Variants in SAMD4A observed in about 807,000 individuals in gnomAD.
The protein encoded by SAMD4A is protein Smaug homolog 1.
Under a neutral mutation model 81.3 loss-of-function variants are expected in SAMD4A, and 33 were observed. That is an observed-to-expected ratio of 0.41 (90% confidence interval 0.31 to 0.54). The LOEUF (loss-of-function observed/expected upper bound fraction) is 0.54, where lower values mean the gene tolerates loss of function less well. Ranked by LOEUF, SAMD4A falls within the 20% of genes least tolerant of loss-of-function variation. SAMD4A has a pLI of 0.37. For missense variants in SAMD4A, 854 were observed against 951.1 expected (o/e 0.90, Z 1.34); for synonymous variants, 389 against 382.1 (o/e 1.02, Z -0.21).
At position 54,704,314 on chromosome 14, in the gene SAMD4A, C is replaced by T. The variant is rs147485250; in HGVS notation, c.715+1734C>T. The stretch of plus-strand genomic sequence containing the variant: ...CAGCAACAGAATCTAGTAATTGTTA[C>T]AAAACTCTTGAATAGCTGGGAGAGA... On this transcript the variant is annotated intron_variant, in intron 3 of 12. Transcript: ENST00000554335. 9.1e-4 allele frequency among the ~76,000 whole-genome samples: 138 copies of T among 152,316 alleles called. 1 individual carries two copies. Among genetic ancestry groups the T allele is most frequent in the Middle Eastern group, 3.4e-3 (1 of 294 alleles).
At chr14:54,611,862 G>A (rs2034364625) in intron 2 of SAMD4A, among the ~76,000 whole-genome samples, 1 of 150,432 alleles carries the variant, frequency 6.6e-6, no homozygotes, top group African/African-American at 2.5e-5. Flanking sequence ...GGGTGACAGA[G>A]TGAGACTCTG....
At chr14:54,660,325 C>T (rs947134625) in intron 2 of SAMD4A, among the ~76,000 whole-genome samples, 1 of 152,134 alleles carries the variant, frequency 6.6e-6, no homozygotes, top group Non-Finnish European at 1.5e-5. Context: ...TAGCTTGTCC[C>T]AGAGAGTAAT....
chr14:54,747,086 T>C (rs2037987447), intron 4 of SAMD4A, among the ~76,000 whole-genome samples: 1 of 152,090 alleles, frequency 6.6e-6, no homozygotes, highest in South Asian at 2.1e-4. Context: ...GCAATTTGAG[T>C]GAGGATGATG....
chr14:54,699,821 T>C (rs767366176), intron 2 of SAMD4A, among the ~76,000 whole-genome samples: 6 of 152,226 alleles, frequency 3.9e-5, no homozygotes, highest in Non-Finnish European at 8.8e-5. Context: ...GCAGAGATTC[T>C]AAAGCCTTCC....
intron 6 of SAMD4A, among the ~76,000 whole-genome samples, chr14:54,757,353 C>A (rs1185350532): frequency 6.7e-6 from 1 of 148,954 alleles, no homozygotes; most frequent in African/African-American, 2.5e-5. Flanking sequence ...AAGTGTCCAA[C>A]ATTATTCGTT....
chr14:54,767,930 A>T (rs1871113646), intron 8 of SAMD4A, among the ~76,000 whole-genome samples: 1 of 152,168 alleles, frequency 6.6e-6, no homozygotes, highest in African/African-American at 2.4e-5. Flanking sequence ...CCCTGAAGGA[A>T]AGGAGCCCGC....
In SAMD4A at chr14:54,751,456, T is replaced by A. The variant is rs757704665; in HGVS notation, c.1095T>A (p.Val365=). The A allele has an allele frequency of 4.6e-5, 73 of 1,570,942 alleles. No individual in the cohort carries two copies. The South Asian group carries it at 8.1e-4, about 17-fold the overall frequency. ...LTECQLEAQN[V]TKGARHKIVI... ...AACTTGTTATTTAATTACAGAATGT[T>A]ACCAAAGGTGCAAGACACAAAATTG... Residue 365 remains valine, a synonymous_variant, in exon 6 of 13, where the codon GTT becomes GTA. Coordinates refer to ENST00000554335, the MANE Select transcript of SAMD4A (RefSeq NM_015589.6).
At chr14:54,639,802 A>ACAC (rs2035128458) in intron 2 of SAMD4A, among the ~76,000 whole-genome samples, 1 of 25,246 alleles carries the variant, frequency 4.0e-5, no homozygotes, top group Non-Finnish European at 6.4e-5. Context: ...ATTGCTTGAA[A>ACAC]CACACACACA....
chr14:54,659,182 G>T (rs1410593299), intron 2 of SAMD4A, among the ~76,000 whole-genome samples: 6 of 152,142 alleles, frequency 3.9e-5, no homozygotes, highest in Non-Finnish European at 7.4e-5. Flanking sequence ...CTTTTTTTAT[G>T]CCCAGACACA....
At chr14:54,721,432 T>G (rs1233609905) in intron 3 of SAMD4A, among the ~76,000 whole-genome samples, 1 of 152,170 alleles carries the variant, frequency 6.6e-6, no homozygotes, top group Non-Finnish European at 1.5e-5. Flanking sequence ...TGATTTTAAG[T>G]GGGGATAAAT....
chr14:54,741,629 C>T (rs749931349), intron 4 of SAMD4A, among the ~76,000 whole-genome samples: 2 of 152,188 alleles, frequency 1.3e-5, no homozygotes, highest in African/African-American at 2.4e-5. Context: ...ATGCAAGTGC[C>T]CTGCTATGAA....
At chr14:54,608,842 CT>C (rs1369091012) in intron 2 of SAMD4A, among the ~76,000 whole-genome samples, 3 of 152,202 alleles carry the variant, frequency 2.0e-5, no homozygotes, top group Non-Finnish European at 4.4e-5. Flanking sequence ...ACTAATCCCA[CT>C]TTAAAGGTGA....
upstream of SAMD4A, among the ~76,000 whole-genome samples, chr14:54,565,982 G>A (rs2032917986): frequency 6.6e-6 from 1 of 150,686 alleles, no homozygotes; most frequent in Admixed American, 6.6e-5. The surrounding 1 kb of genome is among the most constrained non-coding windows in gnomAD (Gnocchi z 5.4). Flanking sequence ...CCTCCCCCCG[G>A]CTCCCCCCGC....
chr14:54,721,690 A>G lies in SAMD4A; in HGVS notation c.716-15334A>G, dbSNP rs573512063. Reference sequence around the variant, plus strand: ...TAGAGCTCAGTTCTTCTCATTGGCAATGGTACCTTTAGCCTGTCACTTTCC... The same window carrying G: ...TAGAGCTCAGTTCTTCTCATTGGCAGTGGTACCTTTAGCCTGTCACTTTCC... On this transcript the variant is annotated intron_variant, in intron 3 of 12. Coordinates refer to ENST00000554335, the MANE Select transcript of SAMD4A (RefSeq NM_015589.6). Among the ~76,000 whole-genome samples the G allele has an allele frequency of 2.4e-4, 37 of 152,320 alleles. 1 individual carries two copies. The South Asian group carries it at 7.5e-3, about 31-fold the overall frequency.
intron 9 of SAMD4A, 68 bp downstream of exon 9, chr14:54,770,290 C>A (rs2038666247): frequency 2.8e-6 from 3 of 1,069,560 alleles, no homozygotes; most frequent in Non-Finnish European, 4.3e-6. Flanking sequence ...TACCTCGGTT[C>A]CTGGGGCAGG....
At chr14:54,771,639 G>A (rs2038708361) in intron 9 of SAMD4A, among the ~76,000 whole-genome samples, 1 of 152,200 alleles carries the variant, frequency 6.6e-6, no homozygotes, top group Admixed American at 6.5e-5. Flanking sequence ...TCCTGCCCTG[G>A]GGCCTACCCC....
intron 2 of SAMD4A, among the ~76,000 whole-genome samples, chr14:54,647,831 G>C (rs1431856016): frequency 6.6e-6 from 1 of 152,246 alleles, no homozygotes; most frequent in Non-Finnish European, 1.5e-5. Context: ...GAATAGGTTT[G>C]CCAGAGGGGA....
chr14:54,657,781 C>T (rs2035553893), intron 2 of SAMD4A, among the ~76,000 whole-genome samples: 1 of 152,190 alleles, frequency 6.6e-6, no homozygotes, highest in Admixed American at 6.5e-5. Flanking sequence ...ACTCACCCTT[C>T]CACTAATCCT....
intron 4 of SAMD4A, among the ~76,000 whole-genome samples, chr14:54,748,118 G>C (rs1158831881): frequency 4.6e-5 from 7 of 152,178 alleles, no homozygotes; most frequent in African/African-American, 1.7e-4. Flanking sequence ...AAAAGTCAAA[G>C]ATGCATCCGG....
Sources: gnomAD v4.1 joint callset for allele counts (sites outside exome capture counted in the v4.1 genomes callset) on GRCh38, gnomAD v4.1.1 for gene constraint, Gnocchi (gnomAD v3.1) non-coding constraint, MANE v1.5 for transcripts, NCBI Gene and HGNC (gene_info 2026-07-23, HGNC 2026-07-21) for gene names.